Variants in CLYBL observed in about 807,000 individuals in gnomAD.
CLYBL encodes the protein citramalyl-CoA lyase.
A neutral mutation model predicts 38.9 loss-of-function variants in CLYBL; 31 were observed. That is an observed-to-expected ratio of 0.80 (90% confidence interval 0.60 to 1.08). The LOEUF (loss-of-function observed/expected upper bound fraction) is 1.08. Ranked by LOEUF, CLYBL falls within the 50% of genes least tolerant of loss-of-function variation. CLYBL has a pLI of 0.00. For synonymous variants in CLYBL, 171 were observed against 158.6 expected (o/e 1.08, Z -0.59); for missense variants, 434 against 411.6 (o/e 1.05, Z -0.47).
At chr13:99,816,285 C>A (rs1284504153) in intron 2 of CLYBL, among the ~76,000 whole-genome samples, 1 of 152,248 alleles carries the variant, frequency 6.6e-6, no homozygotes, top group Non-Finnish European at 1.5e-5. Context: ...AAAATGCCAA[C>A]CTTGGGACAG....
At chr13:99,734,013 T>C (rs1465776514) in intron 1 of CLYBL, among the ~76,000 whole-genome samples, 1 of 152,186 alleles carries the variant, frequency 6.6e-6, no homozygotes, top group Non-Finnish European at 1.5e-5. Context: ...GAGGCAGAGG[T>C]TAAAATCTTT....
intron 2 of CLYBL, among the ~76,000 whole-genome samples, chr13:99,815,117 G>A (rs544190646): frequency 4.6e-5 from 7 of 152,144 alleles, no homozygotes; most frequent in Non-Finnish European, 1.0e-4. Context: ...CTGCCTCTAG[G>A]GGAGGCACTT....
chr13:99,715,973 A>G (rs568384046), intron 1 of CLYBL, among the ~76,000 whole-genome samples: 1 of 152,112 alleles, frequency 6.6e-6, no homozygotes, highest in East Asian at 1.9e-4. Flanking sequence ...GCGGAGACAA[A>G]TACTAATAAT....
At chr13:99,712,684 C>G (rs1183366857) in intron 1 of CLYBL, among the ~76,000 whole-genome samples, 1 of 152,000 alleles carries the variant, frequency 6.6e-6, no homozygotes, top group Non-Finnish European at 1.5e-5. Context: ...TTTTTTCTTC[C>G]AACTCTTTGA....
At chr13:99,670,097 G>A (rs2047543067) in intron 1 of CLYBL, among the ~76,000 whole-genome samples, 2 of 152,172 alleles carry the variant, frequency 1.3e-5, no homozygotes, top group African/African-American at 2.4e-5. Context: ...TACTCAAGAG[G>A]CTGAGGTATG....
At chr13:99,637,532 G>A (rs1290315372) in intron 1 of CLYBL, among the ~76,000 whole-genome samples, 10 of 152,158 alleles carry the variant, frequency 6.6e-5, no homozygotes, top group Admixed American at 5.2e-4. Flanking sequence ...AGGCCGAGGC[G>A]GGTGGATCAC....
intron 1 of CLYBL, among the ~76,000 whole-genome samples, chr13:99,763,921 G>A (rs2049216394): frequency 1.3e-5 from 2 of 152,056 alleles, no homozygotes; most frequent in African/African-American, 4.8e-5. Context: ...GAGAATTTTT[G>A]CATCTGTGTT....
At chr13:99,807,611 AATC>A (rs1476366993) in intron 2 of CLYBL, among the ~76,000 whole-genome samples, 2 of 152,156 alleles carry the variant, frequency 1.3e-5, no homozygotes, top group Non-Finnish European at 2.9e-5. Flanking sequence ...GAGGTACTAG[AATC>A]ATCAGATTCA....
intron 1 of CLYBL, among the ~76,000 whole-genome samples, chr13:99,615,134 T>C (rs2139184248): frequency 6.6e-6 from 1 of 152,304 alleles, no homozygotes; most frequent in East Asian, 1.9e-4. Context: ...ACATGACCCA[T>C]ATCCATGGGG....
At chr13:99,775,313 A>G (rs1247449551) in intron 2 of CLYBL, among the ~76,000 whole-genome samples, 1 of 152,156 alleles carries the variant, frequency 6.6e-6, no homozygotes, top group Admixed American at 6.5e-5. Context: ...CCTTATCTCC[A>G]TAGTAGTAGC....
chr13:99,742,896 C>G (rs1229729453), intron 1 of CLYBL, among the ~76,000 whole-genome samples: 1 of 152,114 alleles, frequency 6.6e-6, no homozygotes, highest in South Asian at 2.1e-4. Flanking sequence ...TCCTCCTTTC[C>G]TTCTGTGTTT....
intron 2 of CLYBL, among the ~76,000 whole-genome samples, chr13:99,820,859 A>C (rs2050574965): frequency 6.6e-6 from 1 of 152,186 alleles, no homozygotes; most frequent in Non-Finnish European, 1.5e-5. Flanking sequence ...TGTGTTATTA[A>C]GTGAAAATGT....
intron 7 of CLYBL, among the ~76,000 whole-genome samples, chr13:99,875,709 A>G (rs902567676): frequency 7.9e-5 from 12 of 152,190 alleles, no homozygotes; most frequent in African/African-American, 2.9e-4. Context: ...CTATTAGACA[A>G]CAGTGTATCC....
intron 1 of CLYBL, among the ~76,000 whole-genome samples, chr13:99,758,513 G>T (rs2049106942): frequency 6.6e-6 from 1 of 152,166 alleles, no homozygotes; most frequent in East Asian, 1.9e-4. Flanking sequence ...TGCTGCAATT[G>T]TATTCATACG....
chr13:99,814,463 T>C (rs2050402384), intron 2 of CLYBL, among the ~76,000 whole-genome samples: 2 of 152,214 alleles, frequency 1.3e-5, no homozygotes, highest in African/African-American at 2.4e-5. Context: ...TGGCTTATAA[T>C]TGTAATTCCT....
intron 1 of CLYBL, among the ~76,000 whole-genome samples, chr13:99,627,715 T>C (rs2046889822): frequency 6.6e-6 from 1 of 152,250 alleles, no homozygotes; most frequent in Non-Finnish European, 1.5e-5. Context: ...AGGTTTCCCC[T>C]ACTAAGCATT....
intron 4 of CLYBL, among the ~76,000 whole-genome samples, chr13:99,864,018 A>G (rs1157202766): frequency 6.6e-6 from 1 of 152,208 alleles, no homozygotes; most frequent in Non-Finnish European, 1.5e-5. Context: ...ACAACTAACC[A>G]TACATTCTTC....
At chr13:99,800,099 C>T (rs896475873) in intron 2 of CLYBL, among the ~76,000 whole-genome samples, 2 of 152,182 alleles carry the variant, frequency 1.3e-5, no homozygotes, top group Non-Finnish European at 2.9e-5. Flanking sequence ...GTCGTCCTCC[C>T]CTCACTGGCA....
chr13:99,766,186 G>A (rs774912567), intron 1 of CLYBL, among the ~76,000 whole-genome samples: 2 of 151,544 alleles, frequency 1.3e-5, no homozygotes, highest in Admixed American at 6.6e-5. Context: ...TCTGTATCTT[G>A]TAGGCAATCT....
Sources: allele counts gnomAD v4.1 joint callset (sites outside exome capture counted in the v4.1 genomes callset), GRCh38; gene constraint gnomAD v4.1.1; transcripts MANE v1.5; gene names NCBI Gene and HGNC (gene_info 2026-07-23, HGNC 2026-07-21).